FBXO31: variants seen among roughly 807,000 people sequenced by gnomAD.
FBXO31 encodes the protein F-box only protein 31.
In FBXO31, 24 loss-of-function variants were observed where a neutral mutation model predicts 54.4. That is an observed-to-expected ratio of 0.44 (90% CI 0.32 to 0.62). FBXO31 has a LOEUF of 0.62. Ranked by LOEUF, FBXO31 falls within the 20% of genes least tolerant of loss-of-function variation. FBXO31 has a pLI of 0.05. For synonymous variants in FBXO31, 388 were observed against 335.6 expected (o/e 1.16, Z -1.71); for missense variants, 665 against 787.1 (o/e 0.84, Z 1.86).
At chr16:87,391,262 G>A (rs552929429), upstream of FBXO31, among the ~76,000 whole-genome samples, 15 of 152,248 alleles carry the variant, frequency 9.9e-5, no homozygotes, top group East Asian at 2.5e-3. Flanking sequence ...AGCTATGATC[G>A]TGCCACTGCA....
At chr16:87,341,644 A>C (rs1597361591) in intron 5 of FBXO31, among the ~76,000 whole-genome samples, 5 of 124,916 alleles carry the variant, frequency 4.0e-5, no homozygotes, top group Admixed American at 1.8e-4. Context: ...CAACAGAGCG[A>C]GACTCCGTCT....
intron 8 of FBXO31, among the ~76,000 whole-genome samples, chr16:87,332,324 G>A (rs4843595): frequency 9.2e-5 from 14 of 152,156 alleles, no homozygotes; most frequent in Admixed American, 2.0e-4. Context: ...GGAAGGGCCC[G>A]GGAGCCCCCA....
Position 87,338,186 on chromosome 16 carries a change from A to G in FBXO31, c.733-1922T>C, listed in dbSNP as rs1905088178. Among the ~76,000 whole-genome samples, 1 of 151,998 alleles carries G rather than the reference A, an allele frequency of 6.6e-6. No homozygotes were observed. On this transcript the variant is annotated intron_variant, in intron 5 of 8. Transcript: ENST00000311635. This position sits in a 1 kb window ranked among gnomAD's most constrained non-coding sequence, Gnocchi z 4.3. ...TGTTACCCAGAATAAGGCCGTCCCAAGCATGTTTATTATGAAATTACTCAT... is the reference window on the plus strand; with the variant it reads ...TGTTACCCAGAATAAGGCCGTCCCAGGCATGTTTATTATGAAATTACTCAT...
intron 2 of FBXO31, among the ~76,000 whole-genome samples, chr16:87,351,593 G>C (rs544921849): frequency 6.6e-6 from 1 of 152,122 alleles, no homozygotes; most frequent in East Asian, 1.9e-4. Context: ...GGCTGGGTGC[G>C]GTGGCTCACT....
At chr16:87,380,812 C>G (rs2150699430) in intron 1 of FBXO31, among the ~76,000 whole-genome samples, 1 of 152,352 alleles carries the variant, frequency 6.6e-6, no homozygotes, top group East Asian at 1.9e-4. Flanking sequence ...TATCTGTCCC[C>G]AGTCGCTTTC....
chr16:87,328,149 G>T lies in FBXO31; in HGVS notation c.*3139C>A. The stretch of plus-strand genomic sequence containing the variant: ...GGTGAGAAAGCCTGGGGGTGAACAC[G>T]CCCTGAGGAGTCAGGGAAGCCAGAG... On this transcript the variant is annotated 3_prime_UTR_variant, in exon 9 of 9. Transcript: ENST00000311635. The T allele has an allele frequency of 6.6e-6, 1 of 152,408 alleles. No individual in the cohort carries two copies. The allele number at this position is 152,408 out of a possible 1,614,324, so 9.4% of individuals were successfully genotyped here.
chr16:87,377,275 T>C (rs1468508462), intron 1 of FBXO31, among the ~76,000 whole-genome samples: 1 of 152,134 alleles, frequency 6.6e-6, no homozygotes, highest in Non-Finnish European at 1.5e-5. Flanking sequence ...TAAAAATCTG[T>C]CTCTATAAAA....
chr16:87,349,810 G>C (rs1217493808), intron 2 of FBXO31, among the ~76,000 whole-genome samples: 1 of 151,154 alleles, frequency 6.6e-6, no homozygotes, highest in East Asian at 1.9e-4. Flanking sequence ...CCAGGAGGTT[G>C]AGGTGGGAGG....
intron 1 of FBXO31, chr16:87,389,693 T>C (rs140516671): frequency 6.6e-6 from 1 of 152,370 alleles, no homozygotes; most frequent in East Asian, 1.9e-4. Context: ...TCAAAACTGA[T>C]ACTTTGTTGT....
intron 1 of FBXO31, among the ~76,000 whole-genome samples, chr16:87,361,911 G>A (rs1421302024): frequency 2.0e-5 from 3 of 152,228 alleles, no homozygotes; most frequent in Admixed American, 6.5e-5. Flanking sequence ...GAAGGCCTGT[G>A]TCTCCTCTCA....
intron 3 of FBXO31, 130 bp downstream of exon 3, chr16:87,347,044 T>G (rs1246766820): frequency 2.5e-6 from 2 of 811,318 alleles, no homozygotes; most frequent in Non-Finnish European, 4.2e-6. Context: ...AGAGCAAGAA[T>G]TTTTTGGTAA....
intron 1 of FBXO31, among the ~76,000 whole-genome samples, chr16:87,375,026 T>C (rs1047699695): frequency 2.0e-5 from 3 of 151,990 alleles, no homozygotes; most frequent in South Asian, 2.1e-4. Flanking sequence ...CTACAAAAAA[T>C]ACAAAAGTTA....
At chr16:87,373,478 T>C (rs1027003378) in intron 1 of FBXO31, among the ~76,000 whole-genome samples, 2 of 151,500 alleles carry the variant, frequency 1.3e-5, no homozygotes, top group Non-Finnish European at 2.9e-5. Flanking sequence ...TATATACATA[T>C]ATACACACAC....
chr16:87,382,520 T>C (rs969180313), intron 1 of FBXO31, among the ~76,000 whole-genome samples: 3 of 152,136 alleles, frequency 2.0e-5, no homozygotes, highest in Admixed American at 6.5e-5. Flanking sequence ...ATCTGTTACA[T>C]CCAATATTGC....
chr16:87,349,898 G>C (rs1169852357), intron 2 of FBXO31, among the ~76,000 whole-genome samples: 2 of 133,304 alleles, frequency 1.5e-5, no homozygotes, highest in Non-Finnish European at 3.4e-5. Context: ...AACAGAGCAA[G>C]ACCCTATCTC....
chr16:87,378,651 A>T (rs1449518119), intron 1 of FBXO31, among the ~76,000 whole-genome samples: 1 of 152,208 alleles, frequency 6.6e-6, no homozygotes, highest in African/African-American at 2.4e-5. Context: ...TATAATCCTC[A>T]GAAAAATGTT....
rs148391907 is a variant in FBXO31, at chr16:87,356,829, T to C, written c.412+3466A>G. On this transcript the variant is annotated intron_variant, in intron 2 of 8. Coordinates refer to ENST00000311635, the MANE Select transcript of FBXO31 (RefSeq NM_024735.5). ...CATCGGGGTGGACTGAAAGCAGTAG[T>C]AGGGGCTCCACGAGCCTCTAGAAAC... Among the ~76,000 whole-genome samples the C allele has an allele frequency of 3.9e-5, 6 of 152,304 alleles. No homozygotes were observed. The East Asian group carries it at 7.7e-4, about 20-fold the overall frequency.
At chr16:87,371,733 T>C (rs1906610661) in intron 1 of FBXO31, among the ~76,000 whole-genome samples, 1 of 152,186 alleles carries the variant, frequency 6.6e-6, no homozygotes, top group Admixed American at 6.5e-5. Context: ...TCAGATGCAT[T>C]ACGTCATTGC....
chr16:87,344,636 T>C (rs1387021999), intron 3 of FBXO31, among the ~76,000 whole-genome samples: 1 of 152,012 alleles, frequency 6.6e-6, no homozygotes, highest in African/African-American at 2.4e-5. Flanking sequence ...TTTTTGTTTT[T>C]TGGGGTTTTT....
Sources: allele counts gnomAD v4.1 joint callset (sites outside exome capture counted in the v4.1 genomes callset), GRCh38; gene constraint gnomAD v4.1.1; non-coding constraint Gnocchi (gnomAD v3.1); transcripts MANE v1.5; gene names NCBI Gene and HGNC (gene_info 2026-07-23, HGNC 2026-07-21).